The following ANKRD46 variants were observed in gnomAD, a reference collection of about 807,000 sequenced individuals.
ANKRD46 encodes the protein ankyrin repeat domain-containing protein 46.
Under a neutral mutation model 19.8 loss-of-function variants are expected in ANKRD46, and 13 were observed. The observed-to-expected ratio is 0.66, with a 90% CI of 0.43 to 1.04. The LOEUF is 1.04. Among genes scored for constraint, ANKRD46 ranks in the 50% least tolerant of loss-of-function variants. ANKRD46 has a pLI of 0.00. For missense variants in ANKRD46, 185 were observed against 274.8 expected (o/e 0.67, Z 2.31); for synonymous variants, 91 against 106.9 (o/e 0.85, Z 0.92).
downstream of ANKRD46, among the ~76,000 whole-genome samples, chr8:100,518,835 G>C (rs570787362): frequency 6.0e-5 from 9 of 150,222 alleles, no homozygotes; most frequent in Admixed American, 1.3e-4. Flanking sequence ...CTGGGCGACA[G>C]AGCGAGACTC....
intron 1 of ANKRD46, among the ~76,000 whole-genome samples, chr8:100,540,653 T>C (rs1175781362): frequency 6.6e-6 from 1 of 152,230 alleles, no homozygotes; most frequent in African/African-American, 2.4e-5. Flanking sequence ...AATATTTATA[T>C]TGCTTAACTA....
chr8:100,522,587 A>G lies in ANKRD46; in HGVS notation c.655T>C (p.Phe219Leu). ...IAYYVSGVLP[F>L]VENQPELVH is the part of the protein sequence containing the mutation. ...ACCAGTTCAGGCTGGTTTTCCACGAAGGGTAGCACCCCACTCACATAATAA... is the reference window on the plus strand; with the variant it reads ...ACCAGTTCAGGCTGGTTTTCCACGAGGGGTAGCACCCCACTCACATAATAA... The change falls in exon 5 of 5, where the codon TTC becomes CTC. Residue 219 changes from phenylalanine to leucine, a missense_variant. By Grantham distance (22) the Phe-to-Leu change is conservative. Coordinates refer to ENST00000335659, the MANE Select transcript of ANKRD46 (RefSeq NM_001270377.2). The G allele has an allele frequency of 6.2e-7, 1 of 1,614,104 alleles. No homozygotes were observed.
Position 100,529,829 on chromosome 8 carries a change from G to C in ANKRD46, c.5C>G (p.Ser2Trp), listed in dbSNP as rs773423022. Residue 2 changes from serine (S) to tryptophan (W), a missense_variant, in exon 3 of 5, where the codon TCG (serine) becomes TGG (tryptophan). By Grantham distance (177) the Ser-to-Trp change is radical. Transcript: ENST00000335659. This position sits in a 1 kb window ranked among gnomAD's most constrained non-coding sequence, Gnocchi z 5.8. MSYVFVNDSSQT... is the reference protein window; with the variant it reads MWYVFVNDSSQT... ...AGAAGAATCATTTACAAAAACATAC[G>C]ACATTGTTCTGATGTGGTGGATGGA... 1.2e-6 allele frequency: 2 copies of C among 1,613,552 alleles called. No individual in the cohort carries two copies. Among genetic ancestry groups the C allele is most frequent in the Non-Finnish European group, 1.7e-6 (2 of 1,179,666 alleles).
chr8:100,557,908 T>C lies in ANKRD46; in HGVS notation c.-131+1803A>G, dbSNP rs1362889030. Among the ~76,000 whole-genome samples, 1 of 152,196 alleles carries C rather than the reference T, an allele frequency of 6.6e-6. No homozygotes were observed. The highest frequency in any genetic ancestry group is 1.5e-5 in the Non-Finnish European group (1 of 68,018). On this transcript the variant is annotated intron_variant, in intron 1 of 4. Coordinates refer to ENST00000335659, the MANE Select transcript of ANKRD46 (RefSeq NM_001270377.2). This position sits in a 1 kb window ranked among gnomAD's most constrained non-coding sequence, Gnocchi z 5.9. ...TTTGCTACTTTATTTTTATTCCTAG[T>C]AACTGTTACCATCTGACTCCAGATA...
chr8:100,528,328 C>T (rs1586784802), intron 3 of ANKRD46, among the ~76,000 whole-genome samples: 1 of 152,146 alleles, frequency 6.6e-6, no homozygotes, highest in East Asian at 1.9e-4. Flanking sequence ...AATGTCTCCT[C>T]AACAGCAGAT....
Position 100,543,489 on chromosome 8 carries a change from C to A in ANKRD46, c.-130-10178G>T, listed in dbSNP as rs1036314844. ...AACTTGTTTTTAAAAGTTTGAACAA[C>A]TGCTAAACTTTCGTCCTTGTACTCA... On this transcript the variant is annotated intron_variant, in intron 1 of 4. Coordinates refer to ENST00000335659, the MANE Select transcript of ANKRD46 (RefSeq NM_001270377.2). This position sits in a 1 kb window ranked among gnomAD's most constrained non-coding sequence, Gnocchi z 4.2. Among the ~76,000 whole-genome samples, 1 of 152,142 alleles carries A rather than the reference C, an allele frequency of 6.6e-6. No homozygotes were observed. The highest frequency in any genetic ancestry group is 1.5e-5 in the Non-Finnish European group (1 of 68,024).
chr8:100,510,416 G>A lies in ANKRD46; in HGVS notation c.*161C>T. On this transcript the variant is annotated 3_prime_UTR_variant, in exon 6 of 6. Transcript: ENST00000520552. This position sits in a 1 kb window ranked among gnomAD's most constrained non-coding sequence, Gnocchi z 4.9. ...GGGCAGGACTGGAGAGGAGGGGACA[G>A]GTGGTAGCAGGTCCCTCTGCCTCCT... 1 of 592,250 alleles carries A rather than the reference G, an allele frequency of 1.7e-6. No individual in the cohort carries two copies. The highest frequency in any genetic ancestry group is 2.8e-6 in the Non-Finnish European group (1 of 362,594). The allele number at this position is 592,250 out of a possible 1,614,324, so 36.7% of individuals were successfully genotyped here. A position where few individuals can be genotyped will look rare whatever the true frequency, so the allele number is the denominator to read the frequency against.
downstream of ANKRD46, among the ~76,000 whole-genome samples, chr8:100,516,048 C>T (rs1336806576): frequency 1.3e-5 from 2 of 152,038 alleles, no homozygotes; most frequent in South Asian, 2.1e-4. Context: ...AATTTTGTGT[C>T]TTCAGTAGAA....
rs116065270 is a variant in ANKRD46 at position 100,558,777 on chromosome 8, G to C, written c.-131+934C>G. ...CCTTTGCTAGCTTTCTGACCTTGGAGAAGTCAGACTCTCGGTGCCTCAGTT... is the reference window on the plus strand; with the variant it reads ...CCTTTGCTAGCTTTCTGACCTTGGACAAGTCAGACTCTCGGTGCCTCAGTT... On this transcript the variant is annotated intron_variant, in intron 1 of 4. Transcript: ENST00000335659. 7.6e-3 allele frequency among the ~76,000 whole-genome samples: 1,153 copies of C among 152,246 alleles called. 17 individuals carry two copies. Among genetic ancestry groups the C allele is most frequent in the African/African-American group, 0.026 (1,069 of 41,536 alleles).
At chr8:100,552,141 CTCTGTCTTAAAAAAAAAAAAAA>C (rs1812405212) in intron 1 of ANKRD46, among the ~76,000 whole-genome samples, 1 of 135,132 alleles carries the variant, frequency 7.4e-6, no homozygotes, top group African/African-American at 2.9e-5. Context: ...CAGAGTGAGA[CTCTGTCTTAAAAAAAAAAAAAA>C]AAAAAAAGAA....
intron 5 of ANKRD46, among the ~76,000 whole-genome samples, chr8:100,512,794 A>G (rs1030055301): frequency 6.6e-6 from 1 of 152,240 alleles, no homozygotes; most frequent in African/African-American, 2.4e-5. Context: ...CTCAATCAAA[A>G]TCATCCTCTT....
rs758376550 is a variant in ANKRD46, at chr8:100,522,896, CACACACACATATAT to C, written c.471-139_471-126del. On this transcript the variant is annotated intron_variant, in intron 4 of 4. Transcript: ENST00000335659. ...ACACACACACACACACACACACACACACACACACATATATATATATACACACTCTTACATGCTTA... is the reference window on the plus strand; with the variant it reads ...ACACACACACACACACACACACACACATATATACACACTCTTACATGCTTA... The C allele has an allele frequency of 8.4e-3, 4,755 of 568,538 alleles. 132 individuals are homozygous for C. The African/African-American group carries it at 0.1, about 13-fold the overall frequency. The allele number at this position is 568,538 out of a possible 1,614,324, so 35.2% of individuals were successfully genotyped here.
At chr8:100,552,658 C>G (rs921782746) in intron 1 of ANKRD46, among the ~76,000 whole-genome samples, 4 of 152,170 alleles carry the variant, frequency 2.6e-5, no homozygotes, top group Admixed American at 6.5e-5. Context: ...TCCAATAAAA[C>G]TCTTTGCTTG....
chr8:100,550,030 T>C lies in ANKRD46; in HGVS notation c.-131+9681A>G, dbSNP rs1159724091. On this transcript the variant is annotated intron_variant, in intron 1 of 4. Coordinates refer to ENST00000335659, the MANE Select transcript of ANKRD46 (RefSeq NM_001270377.2). This position sits in a 1 kb window ranked among gnomAD's most constrained non-coding sequence, Gnocchi z 4.4. ...AGTTTCTCTTTAGGACTGCATAATA[T>C]GTCATTCTCTGTATGTATTACAGTT... Among the ~76,000 whole-genome samples the C allele has an allele frequency of 6.6e-6, 1 of 152,244 alleles. No individual in the cohort carries two copies. Among genetic ancestry groups the C allele is most frequent in the Non-Finnish European group, 1.5e-5 (1 of 68,038 alleles).
In ANKRD46 at chr8:100,529,350, A is replaced by G. The variant is rs1177080372; in HGVS notation, c.311+173T>C. On this transcript the variant is annotated intron_variant, in intron 3 of 4. Transcript: ENST00000335659. The surrounding 1 kb of genome is among the most constrained non-coding windows in gnomAD (Gnocchi z 5.8). ...TATGCTGCTTTAGCAAAAATCTAGA[A>G]GTCAGCCCCTCATTCCCTCACTTGC... Among the ~76,000 whole-genome samples, 1 of 152,258 alleles carries G rather than the reference A, an allele frequency of 6.6e-6. No homozygotes were observed. The highest frequency in any genetic ancestry group is 1.5e-5 in the Non-Finnish European group (1 of 68,044).
intron 1 of ANKRD46, among the ~76,000 whole-genome samples, chr8:100,542,713 T>C (rs1318179016): frequency 6.6e-6 from 1 of 152,120 alleles, no homozygotes; most frequent in Non-Finnish European, 1.5e-5. Context: ...CCAGGTTTTC[T>C]AGCCTAGTTC....
intron 1 of ANKRD46, among the ~76,000 whole-genome samples, chr8:100,558,747 C>A (rs897337170): frequency 6.6e-6 from 1 of 152,094 alleles, no homozygotes; most frequent in African/African-American, 2.4e-5. Context: ...CCAAATCTCG[C>A]TCAGCCTTTG....
downstream of ANKRD46, among the ~76,000 whole-genome samples, chr8:100,515,868 G>GTTTTTTTTTTTTTTTTTTTTTT (rs1371274884): frequency 1.4e-5 from 2 of 147,798 alleles, no homozygotes; most frequent in Non-Finnish European, 1.5e-5. Flanking sequence ...CCAGTAACTT[G>GTTTTTTTTTTTTTTTTTTTTTT]TTTTTGTTTT....
In ANKRD46 at chr8:100,521,474, A is replaced by G. The variant is rs962121556; in HGVS notation, c.*1081T>C. ...AGCTGCAATATAGTTTGAGGGCCAG[A>G]TTTCAATTTACATAATATTACCATT... is the stretch of plus-strand genomic sequence containing the variant. On this transcript the variant is annotated 3_prime_UTR_variant, in exon 5 of 5. Coordinates refer to ENST00000335659, the MANE Select transcript of ANKRD46 (RefSeq NM_001270377.2). The G allele has an allele frequency of 2.0e-6, 2 of 985,326 alleles. No homozygotes were observed. Among genetic ancestry groups the G allele is most frequent in the East Asian group, 1.1e-4 (1 of 8,830 alleles). The allele number at this position is 985,326 out of a possible 1,614,324, so 61.0% of individuals were successfully genotyped here. A position where few individuals can be genotyped will look rare whatever the true frequency, so the allele number is the denominator to read the frequency against.
Sources: gnomAD v4.1 joint callset for allele counts (sites outside exome capture counted in the v4.1 genomes callset) on GRCh38, gnomAD v4.1.1 for gene constraint, Gnocchi (gnomAD v3.1) non-coding constraint, MANE v1.5 for transcripts, NCBI Gene and HGNC (gene_info 2026-07-23, HGNC 2026-07-21) for gene names.